The following CDH12 variants were observed in gnomAD, a reference collection of about 807,000 sequenced individuals.
The protein encoded by CDH12 is cadherin-12.
CDH12 carries 41 observed loss-of-function variants against 74.1 expected under a neutral mutation model. That is an observed-to-expected ratio of 0.55 (90% CI 0.43 to 0.72). The LOEUF is 0.72. Among genes scored for constraint, CDH12 ranks in the 30% least tolerant of loss-of-function variants. The pLI is 0.00. For synonymous variants in CDH12, 399 were observed against 355.0 expected, an observed-to-expected ratio of 1.12 and a Z score of -1.39; for missense variants, 945 against 977.2, an observed-to-expected ratio of 0.97 and a Z score of 0.44.
intron 3 of CDH12, among the ~76,000 whole-genome samples, chr5:22,232,873 A>AT (rs1018113949): frequency 1.4e-5 from 2 of 146,694 alleles, no homozygotes; most frequent in Non-Finnish European, 3.0e-5. Flanking sequence ...TTATATATAT[A>AT]TTTTTTCTTT....
chr5:22,708,639 C>T (rs1415693661), intron 1 of CDH12, among the ~76,000 whole-genome samples: 3 of 152,020 alleles, frequency 2.0e-5, no homozygotes, highest in African/African-American at 7.2e-5. Flanking sequence ...GTGGTGGGGG[C>T]CGTGGGTGTG....
rs557993247 is a variant in CDH12, at chr5:22,058,290, C to T, written c.231+20156G>A. ...CAGGCTGGTCTCAAACTCTTAAGCT[C>T]AGACAATCTGTCTGCCTCGGCCTCC... is the stretch of plus-strand genomic sequence containing the variant. On this transcript the variant is annotated intron_variant, in intron 5 of 14. Coordinates refer to ENST00000382254, the MANE Select transcript of CDH12 (RefSeq NM_004061.5). Among the ~76,000 whole-genome samples, 6 of 152,204 alleles carry T rather than the reference C, an allele frequency of 3.9e-5. No individual in the cohort carries two copies. In the South Asian group the frequency reaches 1.2e-3, roughly 32 times the overall value.
intron 1 of CDH12, among the ~76,000 whole-genome samples, chr5:22,820,754 T>C (rs1258915205): frequency 1.4e-4 from 22 of 151,826 alleles, no homozygotes; most frequent in African/African-American, 4.6e-4. Flanking sequence ...AACTTACCAA[T>C]CAAAAAAAGT....
intron 6 of CDH12, among the ~76,000 whole-genome samples, chr5:21,926,061 C>T (rs1435299591): frequency 9.2e-5 from 14 of 151,850 alleles, no homozygotes; most frequent in South Asian, 4.2e-4. Context: ...AATCTTTCAT[C>T]TCACTTGAAA....
chr5:22,760,047 G>A (rs1447446907), intron 1 of CDH12, among the ~76,000 whole-genome samples: 1 of 152,128 alleles, frequency 6.6e-6, no homozygotes, highest in Non-Finnish European at 1.5e-5. Context: ...TACCTTCACA[G>A]CAATATCCGG....
rs192136547 is a variant in CDH12, at chr5:22,625,119, T to C, written c.-522-119755A>G. Among the ~76,000 whole-genome samples the C allele has an allele frequency of 3.6e-3, 551 of 151,954 alleles. 1 individual carries two copies. The highest frequency in any genetic ancestry group is 0.01 in the African/African-American group (422 of 41,468). The stretch of plus-strand genomic sequence containing the variant: ...GGTGGGAAATGAACAATGAGAACAC[T>C]TGGACACAGGAAGGGGAACATCACA... On this transcript the variant is annotated intron_variant, in intron 1 of 14. Coordinates refer to ENST00000382254, the MANE Select transcript of CDH12 (RefSeq NM_004061.5).
chr5:21,880,575 CCTTCCTT>C (rs1561268108), intron 6 of CDH12, among the ~76,000 whole-genome samples: 4 of 35,390 alleles, frequency 1.1e-4, no homozygotes, highest in African/African-American at 4.8e-4. Context: ...TTCTTTCTTT[CCTTCCTT>C]CCTTCCTTCC....
intron 1 of CDH12, among the ~76,000 whole-genome samples, chr5:22,525,820 A>G (rs920309549): frequency 6.6e-6 from 1 of 152,186 alleles, no homozygotes; most frequent in African/African-American, 2.4e-5. Flanking sequence ...AAATTTACCC[A>G]AGGGTTATGA....
intron 1 of CDH12, among the ~76,000 whole-genome samples, chr5:22,845,077 A>G (rs1737242297): frequency 2.6e-5 from 4 of 152,184 alleles, no homozygotes; most frequent in Admixed American, 1.3e-4. Context: ...AATTGAGCAC[A>G]TTATACATAG....
intron 1 of CDH12, among the ~76,000 whole-genome samples, chr5:22,581,312 G>T (rs1740092151): frequency 6.6e-6 from 1 of 152,214 alleles, no homozygotes; most frequent in Non-Finnish European, 1.5e-5. Flanking sequence ...AGCCATGGCT[G>T]AAAGGGGCCA....
At chr5:22,565,901 A>G (rs1443811719) in intron 1 of CDH12, among the ~76,000 whole-genome samples, 1 of 152,182 alleles carries the variant, frequency 6.6e-6, no homozygotes. Context: ...ATGAAGCCAT[A>G]AGAAGTAATA....
chr5:21,989,571 C>G (rs1205006859), intron 5 of CDH12, among the ~76,000 whole-genome samples: 4 of 152,054 alleles, frequency 2.6e-5, no homozygotes, highest in African/African-American at 4.8e-5. Flanking sequence ...TCTGTACCCC[C>G]CATTGCCTCT....
At chr5:22,361,523 C>T (rs1359931366) in intron 3 of CDH12, among the ~76,000 whole-genome samples, 3 of 151,782 alleles carry the variant, frequency 2.0e-5, no homozygotes, top group Admixed American at 6.6e-5. Context: ...TTTATAGATT[C>T]AATGCCATCC....
At chr5:22,064,021 AAAC>A (rs1463255952) in intron 5 of CDH12, among the ~76,000 whole-genome samples, 18 of 145,526 alleles carry the variant, frequency 1.2e-4, no homozygotes, top group East Asian at 4.0e-4. Context: ...ACACACACAC[AAAC>A]ACACACACAC....
At chr5:21,895,405 G>C (rs1753078447) in intron 6 of CDH12, among the ~76,000 whole-genome samples, 2 of 152,210 alleles carry the variant, frequency 1.3e-5, no homozygotes, top group South Asian at 4.1e-4. Context: ...AAGAGAAACT[G>C]TGGTTCTGTC....
At chr5:22,743,869 C>T (rs1345967113) in intron 1 of CDH12, among the ~76,000 whole-genome samples, 1 of 151,640 alleles carries the variant, frequency 6.6e-6, no homozygotes, top group Non-Finnish European at 1.5e-5. Context: ...CTCTGGCTAC[C>T]TAAAGGTTTT....
intron 5 of CDH12, among the ~76,000 whole-genome samples, chr5:22,049,703 G>A (rs909075335): frequency 6.6e-6 from 1 of 152,074 alleles, no homozygotes; most frequent in Non-Finnish European, 1.5e-5. Context: ...GTCACACAGA[G>A]ACTTCTTAGC....
intron 4 of CDH12, among the ~76,000 whole-genome samples, chr5:22,202,372 G>T (rs1353919155): frequency 9.2e-5 from 14 of 152,164 alleles, no homozygotes; most frequent in Middle Eastern, 3.4e-3. Context: ...AAAGAGATAG[G>T]GTGGGTGATA....
intron 1 of CDH12, among the ~76,000 whole-genome samples, chr5:22,667,947 G>C (rs1740703515): frequency 6.7e-6 from 1 of 149,570 alleles, no homozygotes; most frequent in African/African-American, 2.5e-5. Flanking sequence ...TTCACTCTTT[G>C]TATTATAAGG....
Sources: allele counts gnomAD v4.1 joint callset (sites outside exome capture counted in the v4.1 genomes callset), GRCh38; gene constraint gnomAD v4.1.1; transcripts MANE v1.5; gene names NCBI Gene and HGNC (gene_info 2026-07-23, HGNC 2026-07-21).